The following WBP4 variants were observed in gnomAD, a reference collection of about 807,000 sequenced individuals.
WBP4 encodes the protein WW domain binding protein 4.
WBP4 carries 37 observed loss-of-function variants against 55.4 expected under a neutral mutation model. The ratio of observed to expected loss-of-function variants is 0.67; its 90% confidence interval spans 0.51 to 0.88. WBP4 has a LOEUF of 0.88. WBP4 is among the 40% of genes least tolerant of loss of function. WBP4 has a pLI of 0.00. For synonymous variants in WBP4, 142 were observed against 140.2 expected (o/e 1.01, Z -0.09); for missense variants, 398 against 420.8 (o/e 0.95, Z 0.47).
chr13:41,061,537 CG>C lies in WBP4; in HGVS notation c.-133del. On this transcript the variant is annotated 5_prime_UTR_variant, in exon 1 of 10. Transcript: ENST00000379487. ...GTTGGGAACAGCGGAACGCTGGTCC[CG>C]GGGACTGAGTAAGGTGTCTGGATCG... 1 of 1,390,758 alleles carries C rather than the reference CG, an allele frequency of 7.2e-7. No homozygotes were observed. Among genetic ancestry groups the C allele is most frequent in the Non-Finnish European group, 1.0e-6 (1 of 998,256 alleles). The allele number at this position is 1,390,758 out of a possible 1,614,324, so 86.2% of individuals were successfully genotyped here. A position where few individuals can be genotyped will look rare whatever the true frequency, so the allele number is the denominator to read the frequency against.
In WBP4 at chr13:41,068,548, C is replaced by G. The variant is rs1324683364; in HGVS notation, c.263-13C>G. 1.3e-6 allele frequency: 2 copies of G among 1,581,572 alleles called. No individual in the cohort carries two copies. The highest frequency in any genetic ancestry group is 1.9e-5 in the Admixed American group (1 of 53,588). ...GTTACTATAGCTGCTTTACCCTTCT[C>G]TCATCTCTTTAGAAATTTTGGAGCC... On this transcript the variant is annotated splice_polypyrimidine_tract_variant and intron_variant, in intron 4 of 9. Coordinates refer to ENST00000379487, the MANE Select transcript of WBP4 (RefSeq NM_007187.5).
intron 4 of WBP4, among the ~76,000 whole-genome samples, chr13:41,068,071 G>A (rs1878057134): frequency 6.6e-6 from 1 of 151,848 alleles, no homozygotes; most frequent in East Asian, 1.9e-4. Flanking sequence ...TAGATGTAGG[G>A]GGTACAAGTG....
intron 4 of WBP4, 84 bp from the exon 5 acceptor site, chr13:41,068,477 T>C (rs1458062566): frequency 3.9e-6 from 5 of 1,291,544 alleles, no homozygotes; most frequent in Non-Finnish European, 5.1e-6. Context: ...AGGTTTTTGA[T>C]TGGAATAACA....
In WBP4 at chr13:41,083,915, A is replaced by G. The variant is rs1172862862; in HGVS notation, c.*1001A>G. The G allele has an allele frequency of 6.6e-6, 1 of 152,198 alleles. No homozygotes were observed. Among genetic ancestry groups the G allele is most frequent in the Non-Finnish European group, 1.5e-5 (1 of 68,030 alleles). 9.4% of individuals were successfully genotyped at this position (152,198 alleles called of 1,614,324 possible). Reference sequence around the variant, plus strand: ...CAAAATTACATTTCTCATAAATTGTATAGTATTTAACTTATAATAGTTAAT... The same window carrying G: ...CAAAATTACATTTCTCATAAATTGTGTAGTATTTAACTTATAATAGTTAAT... On this transcript the variant is annotated 3_prime_UTR_variant, in exon 10 of 10. Transcript: ENST00000379487.
In WBP4 at chr13:41,075,477, G is replaced by GC. The variant is rs1485297944; in HGVS notation, c.563-566dup. ...ATTCACTGCAGCCTCTATTTCCTGG[G>GC]CTCAAGCAGTCTTCCCGCCTCAGCC... On this transcript the variant is annotated intron_variant, in intron 7 of 9. Coordinates refer to ENST00000379487, the MANE Select transcript of WBP4 (RefSeq NM_007187.5). Among the ~76,000 whole-genome samples, 8 of 152,242 alleles carry GC rather than the reference G, an allele frequency of 5.3e-5. No individual in the cohort carries two copies. The East Asian group carries it at 1.5e-3, about 29-fold the overall frequency.
intron 4 of WBP4, among the ~76,000 whole-genome samples, chr13:41,065,871 C>T (rs2138462221): frequency 6.6e-6 from 1 of 152,288 alleles, no homozygotes; most frequent in Middle Eastern, 3.4e-3. Context: ...GTGAATAATT[C>T]TTCCATATCA....
chr13:41,081,557 C>G (rs769555022), intron 9 of WBP4, among the ~76,000 whole-genome samples: 4 of 149,104 alleles, frequency 2.7e-5, no homozygotes, highest in Admixed American at 2.7e-4. Context: ...ATTGCAGCAA[C>G]TCAAGTATTA....
chr13:41,061,657 G>C lies in WBP4; in HGVS notation c.-17G>C. ...TGAGTGGAACCCTGGACGACTTGCAGAGCGGCTGGCGCAGTCATGTGAGTT... is the reference window on the plus strand; with the variant it reads ...TGAGTGGAACCCTGGACGACTTGCACAGCGGCTGGCGCAGTCATGTGAGTT... On this transcript the variant is annotated 5_prime_UTR_variant, in exon 1 of 10. Coordinates refer to ENST00000379487, the MANE Select transcript of WBP4 (RefSeq NM_007187.5). 1 of 1,614,168 alleles carries C rather than the reference G, an allele frequency of 6.2e-7. No homozygotes were observed. The highest frequency in any genetic ancestry group is 8.5e-7 in the Non-Finnish European group (1 of 1,180,030).
At position 41,076,233 on chromosome 13, in the gene WBP4, T is replaced by G. The variant is rs1878481005; in HGVS notation, c.752T>G (p.Phe251Cys). The change falls in exon 8 of 10, where the codon TTT (phenylalanine) becomes TGT (cysteine). Residue 251 changes from phenylalanine to cysteine, a missense_variant. Physicochemically the swap from Phe to Cys is radical, Grantham distance 205. Transcript: ENST00000379487. Reference sequence around the variant, plus strand: ...GAGACAGAAAAGCCAAAAATAAAGTTTAAGGTAGGTTTTTAAATTTTACTC... The same window carrying G: ...GAGACAGAAAAGCCAAAAATAAAGTGTAAGGTAGGTTTTTAAATTTTACTC... ...STETEKPKIK[F>C]KEKNKNSDGG... The G allele has an allele frequency of 6.4e-7, 1 of 1,569,312 alleles. No individual in the cohort carries two copies. Among genetic ancestry groups the G allele is most frequent in the Non-Finnish European group, 8.6e-7 (1 of 1,167,804 alleles).
At chr13:41,076,424 G>A (rs1392161311) in intron 8 of WBP4, among the ~76,000 whole-genome samples, 187 bp downstream of exon 8, 2 of 151,764 alleles carry the variant, frequency 1.3e-5, no homozygotes, top group African/African-American at 4.8e-5. Flanking sequence ...GACTACAGGT[G>A]TGTGCCACCA....
intron 1 of WBP4, chr13:41,062,102 T>TTG: frequency 5.7e-6 from 5 of 876,124 alleles, no homozygotes; most frequent in Admixed American, 7.0e-5. Context: ...AATGGTTTTT[T>TTG]TTTTTTTTTT....
intron 8 of WBP4, among the ~76,000 whole-genome samples, chr13:41,080,042 TAGAC>T (rs1878697701): frequency 1.5e-5 from 2 of 130,076 alleles, no homozygotes; most frequent in South Asian, 4.6e-4. Flanking sequence ...AATGGACTAA[TAGAC>T]AGTGGAGACC....
At chr13:41,078,557 G>C (rs1878604486) in intron 8 of WBP4, among the ~76,000 whole-genome samples, 1 of 152,218 alleles carries the variant, frequency 6.6e-6, no homozygotes, top group Non-Finnish European at 1.5e-5. Context: ...GCCAGGCATG[G>C]TGGCTCACAC....
chr13:41,062,099 T>TTTG, intron 1 of WBP4: 1 of 587,428 alleles, frequency 1.7e-6, no homozygotes, highest in East Asian at 1.7e-4. Flanking sequence ...CGTAATGGTT[T>TTTG]TTTTTTTTTT....
chr13:41,071,738 A>G (rs1034030442), intron 6 of WBP4, among the ~76,000 whole-genome samples, 165 bp downstream of exon 6: 1 of 152,022 alleles, frequency 6.6e-6, no homozygotes, highest in African/African-American at 2.4e-5. Context: ...AGAAGGCTGG[A>G]TGGAGATGAA....
At chr13:41,078,910 A>G (rs963308506) in intron 8 of WBP4, among the ~76,000 whole-genome samples, 1 of 152,196 alleles carries the variant, frequency 6.6e-6, no homozygotes, top group African/African-American at 2.4e-5. Flanking sequence ...TAAGCAAAGA[A>G]TTTACGACAA....
chr13:41,061,534 T>A lies in WBP4; in HGVS notation c.-140T>A. On this transcript the variant is annotated 5_prime_UTR_variant, in exon 1 of 10. Coordinates refer to ENST00000379487, the MANE Select transcript of WBP4 (RefSeq NM_007187.5). ...GTAGTTGGGAACAGCGGAACGCTGG[T>A]CCCGGGGACTGAGTAAGGTGTCTGG... 7.4e-7 allele frequency: 1 copy of A among 1,356,648 alleles called. No individual in the cohort carries two copies. Among genetic ancestry groups the A allele is most frequent in the Non-Finnish European group, 1.0e-6 (1 of 969,824 alleles). 84.0% of individuals were successfully genotyped at this position (1,356,648 alleles called of 1,614,324 possible).
At chr13:41,066,225 T>C (rs1877967354) in intron 4 of WBP4, among the ~76,000 whole-genome samples, 1 of 152,246 alleles carries the variant, frequency 6.6e-6, no homozygotes, top group African/African-American at 2.4e-5. Context: ...CATTGAGACA[T>C]TCCATTATGC....
intron 7 of WBP4, among the ~76,000 whole-genome samples, chr13:41,074,448 A>G (rs1361615771): frequency 1.3e-5 from 2 of 152,176 alleles, no homozygotes; most frequent in Non-Finnish European, 2.9e-5. Flanking sequence ...AGCAATGTTT[A>G]TATTCCAGTA....
Sources: allele counts gnomAD v4.1 joint callset (sites outside exome capture counted in the v4.1 genomes callset), GRCh38; gene constraint gnomAD v4.1.1; transcripts MANE v1.5; gene names NCBI Gene and HGNC (gene_info 2026-07-23, HGNC 2026-07-21).